Variants in RRAGD observed in about 807,000 individuals in gnomAD.
The protein encoded by RRAGD is ras-related GTP-binding protein D.
In RRAGD, 12 loss-of-function variants were observed where a neutral mutation model predicts 35.5. That is an observed-to-expected ratio of 0.34 (90% CI 0.22 to 0.55). RRAGD has a LOEUF of 0.55. Among genes scored for constraint, RRAGD ranks in the 20% least tolerant of loss-of-function variants. The probability of loss-of-function intolerance (pLI) is 0.91; values close to 1 mark genes in which losing one functional copy is unlikely to be tolerated. For missense variants in RRAGD, 324 were observed against 490.1 expected (o/e 0.66, Z 3.20); for synonymous variants, 155 against 178.9 (o/e 0.87, Z 1.07).
At chr6:89,390,405 G>T (rs1769210867) in intron 1 of RRAGD, among the ~76,000 whole-genome samples, 1 of 152,190 alleles carries the variant, frequency 6.6e-6, no homozygotes, top group Admixed American at 6.5e-5. Flanking sequence ...ATACACATAT[G>T]AAAAGGTGCT....
chr6:89,387,947 C>G (rs1248920611), intron 1 of RRAGD, among the ~76,000 whole-genome samples: 2 of 152,172 alleles, frequency 1.3e-5, no homozygotes, highest in East Asian at 3.9e-4. Flanking sequence ...CTGGAGCAGA[C>G]TGTGGAAAGA....
intron 1 of RRAGD, among the ~76,000 whole-genome samples, chr6:89,397,138 T>C (rs1287351883): frequency 6.6e-6 from 1 of 152,158 alleles, no homozygotes. Context: ...AGATACTCAA[T>C]ACATCATTAA....
In RRAGD at chr6:89,389,322, G is replaced by A. The variant is rs937663632; in HGVS notation, c.149-1732C>T. On this transcript the variant is annotated intron_variant, in intron 1 of 6. Coordinates refer to ENST00000369415, the MANE Select transcript of RRAGD (RefSeq NM_021244.5). ...TGTAATCCCAGCACTTTGGGAGGCC[G>A]AGACGGGCGGATCACGAGGTCAGCA... Among the ~76,000 whole-genome samples, 6 of 152,150 alleles carry A rather than the reference G, an allele frequency of 3.9e-5. No homozygotes were observed. The East Asian group carries it at 7.7e-4, about 20-fold the overall frequency.
chr6:89,412,183 G>C lies in RRAGD; in HGVS notation c.-190C>G. ...GTCCGGGTCCCGCGGTTCCCAGCGC[G>C]CCCGAAGCCCCCTCCCCCGCCCCGC... On this transcript the variant is annotated 5_prime_UTR_variant, in exon 1 of 7. Transcript: ENST00000369415. This position sits in a 1 kb window ranked among gnomAD's most constrained non-coding sequence, Gnocchi z 4.2. The C allele has an allele frequency of 2.6e-6, 1 of 384,144 alleles. No homozygotes were observed. The highest frequency in any genetic ancestry group is 4.3e-6 in the Non-Finnish European group (1 of 230,684). 23.8% of individuals were successfully genotyped at this position (384,144 alleles called of 1,614,324 possible).
At chr6:89,379,384 G>T in intron 3 of RRAGD, 46 bp from the exon 4 acceptor site, 1 of 1,009,222 alleles carries the variant, frequency 9.9e-7, no homozygotes, top group Non-Finnish European at 1.5e-6. Flanking sequence ...TTTGAATGAG[G>T]AACAGGCTGC....
At chr6:89,396,521 G>A (rs1769334218) in intron 1 of RRAGD, among the ~76,000 whole-genome samples, 1 of 151,720 alleles carries the variant, frequency 6.6e-6, no homozygotes, top group African/African-American at 2.4e-5. Flanking sequence ...CACCTCTCAG[G>A]CTCAAGTGAT....
intron 1 of RRAGD, among the ~76,000 whole-genome samples, chr6:89,401,488 T>C (rs1769460399): frequency 6.6e-6 from 1 of 152,156 alleles, no homozygotes; most frequent in South Asian, 2.1e-4. Flanking sequence ...ACTCCTGACC[T>C]TGGGTGATCC....
Position 89,412,168 on chromosome 6 carries a change from C to G in RRAGD, c.-175G>C. ...GCGGGCGGCGCCCAGGTCCGGGTCC[C>G]GCGGTTCCCAGCGCGCCCGAAGCCC... On this transcript the variant is annotated 5_prime_UTR_variant, in exon 1 of 7. Transcript: ENST00000369415. This position sits in a 1 kb window ranked among gnomAD's most constrained non-coding sequence, Gnocchi z 4.2. 2.1e-6 allele frequency: 1 copy of G among 485,222 alleles called. No homozygotes were observed. Among genetic ancestry groups the G allele is most frequent in the African/African-American group, 2.0e-5 (1 of 49,272 alleles). 30.1% of individuals were successfully genotyped at this position (485,222 alleles called of 1,614,324 possible).
intron 1 of RRAGD, among the ~76,000 whole-genome samples, chr6:89,401,825 A>G (rs1769471115): frequency 1.3e-5 from 2 of 152,120 alleles, no homozygotes; most frequent in Admixed American, 1.3e-4. Context: ...TACTATTAAT[A>G]GTCCATCTTT....
In RRAGD at chr6:89,412,164, G is replaced by C. The variant is rs1414965088; in HGVS notation, c.-171C>G. On this transcript the variant is annotated 5_prime_UTR_variant, in exon 1 of 7. Transcript: ENST00000369415. The surrounding 1 kb of genome is among the most constrained non-coding windows in gnomAD (Gnocchi z 4.2). ...CCCGGCGGGCGGCGCCCAGGTCCGG[G>C]TCCCGCGGTTCCCAGCGCGCCCGAA... 5.8e-6 allele frequency: 3 copies of C among 513,634 alleles called. No individual in the cohort carries two copies. The highest frequency in any genetic ancestry group is 9.3e-5 in the Admixed American group (2 of 21,492). 31.8% of individuals were successfully genotyped at this position (513,634 alleles called of 1,614,324 possible).
At position 89,372,515 on chromosome 6, in the gene RRAGD, TTG is replaced by T; in HGVS notation, c.971_972del (p.Thr324AsnfsTer24). 1 of 1,611,132 alleles carries T rather than the reference TTG, an allele frequency of 6.2e-7. No individual in the cohort carries two copies. Among genetic ancestry groups the T allele is most frequent in the Non-Finnish European group, 8.5e-7 (1 of 1,179,038 alleles). ...ESTAIIKLNN[T>X]TVLYLKEVTK... Reference sequence around the variant, plus strand: ...GTCACCTCTTTTAAATAAAGCACGGTTGTATTATTAAGCTTTATGATGGCTGT... The same window carrying T: ...GTCACCTCTTTTAAATAAAGCACGGTTATTATTAAGCTTTATGATGGCTGT... On this transcript the variant is annotated frameshift_variant, in exon 6 of 7. Transcript: ENST00000369415. LOFTEE classifies it high-confidence loss of function.
chr6:89,374,735 A>C (rs1229012463), intron 5 of RRAGD, among the ~76,000 whole-genome samples: 3 of 152,042 alleles, frequency 2.0e-5, no homozygotes, highest in Non-Finnish European at 4.4e-5. Flanking sequence ...CATCTCAAAA[A>C]AAAAAAAAGT....
At chr6:89,397,784 AT>A (rs1250160953) in intron 1 of RRAGD, among the ~76,000 whole-genome samples, 2 of 152,186 alleles carry the variant, frequency 1.3e-5, no homozygotes, top group Admixed American at 1.3e-4. Context: ...TTTTCATAAA[AT>A]TTTTTTAAAA....
Position 89,412,047 on chromosome 6 carries a change from A to C in RRAGD, c.-54T>G. 6.7e-7 allele frequency: 1 copy of C among 1,488,800 alleles called. No homozygotes were observed. Among genetic ancestry groups the C allele is most frequent in the Non-Finnish European group, 8.9e-7 (1 of 1,121,392 alleles). 92.2% of individuals were successfully genotyped at this position (1,488,800 alleles called of 1,614,324 possible). ...CGGCGGGGGTCCCGGGGTGGGGGCC[A>C]AGCCTCCTAGCCGGCCGCCCGCAGC... On this transcript the variant is annotated 5_prime_UTR_variant, in exon 1 of 7. Transcript: ENST00000369415. This position sits in a 1 kb window ranked among gnomAD's most constrained non-coding sequence, Gnocchi z 4.2.
rs1419411180 is a variant in RRAGD at position 89,366,503 on chromosome 6, G to T, written c.*1553C>A. ...ATTGTACCAATGTATTCCAGCACAA[G>T]CAACAGAATGAGGCCCCCCTCTAAA... On this transcript the variant is annotated 3_prime_UTR_variant, in exon 7 of 7. Transcript: ENST00000369415. The T allele has an allele frequency of 7.2e-6, 1 of 139,194 alleles. No individual in the cohort carries two copies. Among genetic ancestry groups the T allele is most frequent in the Non-Finnish European group, 1.5e-5 (1 of 66,034 alleles). 8.6% of individuals were successfully genotyped at this position (139,194 alleles called of 1,614,324 possible). A position where few individuals can be genotyped will look rare whatever the true frequency, so the allele number is the denominator to read the frequency against.
At chr6:89,368,335 T>G in intron 6 of RRAGD, 128 bp from the exon 7 acceptor site, 2 of 677,654 alleles carry the variant, frequency 3.0e-6, no homozygotes, top group Non-Finnish European at 4.6e-6. Context: ...GACCAGAGAT[T>G]TCCCTGGGAT....
At chr6:89,405,353 CAAAAAAAAAAAA>C (rs56252416) in intron 1 of RRAGD, among the ~76,000 whole-genome samples, 1 of 52,182 alleles carries the variant, frequency 1.9e-5, no homozygotes, top group Non-Finnish European at 3.6e-5. Flanking sequence ...GACTCCGTCT[CAAAAAAAAAAAA>C]AAAAAAAAAA....
chr6:89,411,748 C>T lies in RRAGD; in HGVS notation c.148+98G>A. On this transcript the variant is annotated intron_variant, in intron 1 of 6. Transcript: ENST00000369415. This position sits in a 1 kb window ranked among gnomAD's most constrained non-coding sequence, Gnocchi z 5.6. ...AACTGGACCCGCTCCCCTGGACCCC[C>T]TCCAAGTCGGTGGCTCGCGCACGGC... 2.2e-6 allele frequency: 3 copies of T among 1,364,522 alleles called. No homozygotes were observed. Among genetic ancestry groups the T allele is most frequent in the Non-Finnish European group, 3.0e-6 (3 of 1,016,170 alleles). The allele number at this position is 1,364,522 out of a possible 1,614,324, so 84.5% of individuals were successfully genotyped here.
chr6:89,376,373 G>A (rs1361211333), intron 5 of RRAGD, among the ~76,000 whole-genome samples: 1 of 151,708 alleles, frequency 6.6e-6, no homozygotes, highest in African/African-American at 2.4e-5. Flanking sequence ...AGCTGAGTGG[G>A]CAAAGGATTT....
Sources: gnomAD v4.1 joint callset for allele counts (sites outside exome capture counted in the v4.1 genomes callset) on GRCh38, gnomAD v4.1.1 for gene constraint, Gnocchi (gnomAD v3.1) non-coding constraint, MANE v1.5 for transcripts, NCBI Gene and HGNC (gene_info 2026-07-23, HGNC 2026-07-21) for gene names.